ADGRD1: variants seen among roughly 807,000 people sequenced by gnomAD.
ADGRD1 encodes adhesion G protein-coupled receptor D1.
ADGRD1 carries 77 observed loss-of-function variants against 113.4 expected under a neutral mutation model. The ratio of observed to expected loss-of-function variants is 0.68; its 90% confidence interval spans 0.57 to 0.82. The LOEUF is 0.82. Among genes scored for constraint, ADGRD1 ranks in the 40% least tolerant of loss-of-function variants. The pLI is 0.00. For missense variants in ADGRD1, 1,036 were observed against 1,139.1 expected (o/e 0.91, Z 1.30); for synonymous variants, 474 against 475.0 (o/e 1.00, Z 0.03).
In ADGRD1 at chr12:131,057,381, C is replaced by T. The variant is rs1000062474; in HGVS notation, c.1474-19420C>T. ...CCAGATGGCAGCGGAGCCGAGTCTGCGCTGCTGTGGCCGTTTCCTAGGGCC... is the reference window on the plus strand; with the variant it reads ...CCAGATGGCAGCGGAGCCGAGTCTGTGCTGCTGTGGCCGTTTCCTAGGGCC... On this transcript the variant is annotated intron_variant, in intron 13 of 24. Coordinates refer to ENST00000261654, the MANE Select transcript of ADGRD1 (RefSeq NM_198827.5). This position sits in a 1 kb window ranked among gnomAD's most constrained non-coding sequence, Gnocchi z 4.2. Among the ~76,000 whole-genome samples, 1 of 152,168 alleles carries T rather than the reference C, an allele frequency of 6.6e-6. No individual in the cohort carries two copies. The highest frequency in any genetic ancestry group is 2.4e-5 in the African/African-American group (1 of 41,444).
At chr12:131,101,668 C>CTG (rs1950091938) in intron 15 of ADGRD1, among the ~76,000 whole-genome samples, 1 of 152,088 alleles carries the variant, frequency 6.6e-6, no homozygotes, top group Non-Finnish European at 1.5e-5. Flanking sequence ...CAGGCGTGAG[C>CTG]CACTGTGTCT....
chr12:131,129,012 G>A (rs1950825596), intron 20 of ADGRD1, among the ~76,000 whole-genome samples: 1 of 95,692 alleles, frequency 1.0e-5, no homozygotes, highest in South Asian at 3.1e-4. Context: ...GCTGTCTGGT[G>A]TGAGTGACAG....
intron 13 of ADGRD1, 94 bp downstream of exon 13, chr12:131,014,434 C>T (rs1878320511): frequency 8.3e-7 from 1 of 1,203,354 alleles, no homozygotes; most frequent in African/African-American, 1.5e-5. Flanking sequence ...AAAGAATCTC[C>T]AACAGCCTTG....
At chr12:130,968,509 G>A (rs11832179) in intron 3 of ADGRD1, 2,230 of 159,010 alleles carry the variant, frequency 0.014, 36 homozygotes, top group African/African-American at 0.051. Context: ...GAGGATGTGC[G>A]GCTTTGTCGT....
At chr12:131,040,649 G>A (rs944585182) in intron 13 of ADGRD1, among the ~76,000 whole-genome samples, 31 of 152,216 alleles carry the variant, frequency 2.0e-4, no homozygotes, top group Admixed American at 1.3e-4. Flanking sequence ...TAGGTGAACT[G>A]TGATTTTGGG....
intron 19 of ADGRD1, among the ~76,000 whole-genome samples, chr12:131,119,332 T>C (rs1257675959): frequency 2.0e-5 from 3 of 152,214 alleles, no homozygotes; most frequent in Non-Finnish European, 4.4e-5. Flanking sequence ...GAAGGCAGTG[T>C]CTGAGCGCAC....
At chr12:131,087,970 C>G (rs1158442160) in intron 15 of ADGRD1, among the ~76,000 whole-genome samples, 1 of 152,220 alleles carries the variant, frequency 6.6e-6, no homozygotes. Context: ...CCTCTGCGGA[C>G]GGCCGTGACG....
At chr12:131,058,760 T>C (rs986411369) in intron 13 of ADGRD1, among the ~76,000 whole-genome samples, 1 of 152,264 alleles carries the variant, frequency 6.6e-6, no homozygotes, top group Non-Finnish European at 1.5e-5. Context: ...GTAGGTGAGA[T>C]GTCCTTTCTC....
At chr12:131,119,927 CAG>C (rs1347416278) in intron 19 of ADGRD1, among the ~76,000 whole-genome samples, 1 of 152,148 alleles carries the variant, frequency 6.6e-6, no homozygotes, top group African/African-American at 2.4e-5. Context: ...GGCAGGGAGG[CAG>C]TGTGCTGACA....
rs748384356 is a variant in ADGRD1 at position 131,004,193 on chromosome 12, C to T, written c.1152C>T (p.Ser384=). 28 of 1,612,360 alleles carry T rather than the reference C, an allele frequency of 1.7e-5. No homozygotes were observed. The highest frequency in any genetic ancestry group is 3.3e-5 in the South Asian group (3 of 91,016). ...TCGCTCCTTCCACCGCAGAGTTTTC[C>T]GTGGCCAAAATCCTGCCCAAGACCG... ...VEGSSAMAEF[S]VAKILPKTVN... Residue 384 remains serine, a synonymous_variant, in exon 11 of 25, where the codon TCC becomes TCT. Coordinates refer to ENST00000261654, the MANE Select transcript of ADGRD1 (RefSeq NM_198827.5).
Position 131,050,218 on chromosome 12 carries a change from G to A in ADGRD1, c.1474-26583G>A, listed in dbSNP as rs1020192133. ...TCAAGTTGAAATCACCATCGTCATCGTCATCATCATCATCATCATCAATGA... is the reference window on the plus strand; with the variant it reads ...TCAAGTTGAAATCACCATCGTCATCATCATCATCATCATCATCATCAATGA... On this transcript the variant is annotated intron_variant, in intron 13 of 24. Coordinates refer to ENST00000261654, the MANE Select transcript of ADGRD1 (RefSeq NM_198827.5). The surrounding 1 kb of genome is among the most constrained non-coding windows in gnomAD (Gnocchi z 4.8). Among the ~76,000 whole-genome samples the A allele has an allele frequency of 1.7e-4, 25 of 150,914 alleles. No homozygotes were observed. The highest frequency in any genetic ancestry group is 4.1e-4 in the African/African-American group (17 of 41,208).
chr12:131,005,077 C>T (rs1876910330), intron 11 of ADGRD1, among the ~76,000 whole-genome samples: 2 of 152,234 alleles, frequency 1.3e-5, no homozygotes, highest in Admixed American at 1.3e-4. Context: ...CAGCCCTCAT[C>T]AGACATCTCT....
At chr12:131,043,707 G>T (rs531146261) in intron 13 of ADGRD1, among the ~76,000 whole-genome samples, 2 of 152,258 alleles carry the variant, frequency 1.3e-5, no homozygotes, top group African/African-American at 4.8e-5. Context: ...GGGGATGCAC[G>T]TGGGGCAGAG....
chr12:131,028,347 TGA>T (rs1459995853), intron 13 of ADGRD1, among the ~76,000 whole-genome samples: 1 of 152,246 alleles, frequency 6.6e-6, no homozygotes, highest in African/African-American at 2.4e-5. Context: ...ATTTTGAGTA[TGA>T]GTCATTTGTT....
At chr12:130,962,460 A>G (rs1870473389) in intron 2 of ADGRD1, 1 of 152,256 alleles carries the variant, frequency 6.6e-6, no homozygotes, top group African/African-American at 2.4e-5. Flanking sequence ...TGTTCTTTGT[A>G]TAACAGATGT....
Position 130,954,061 on chromosome 12 carries a change from C to T in ADGRD1, c.-405C>T, listed in dbSNP as rs1432341027. ...ACCTTCTTCAGAGAAAAGGGAAGCT[C>T]CAAACCTGACTGAGACAAACGGAGG... On this transcript the variant is annotated 5_prime_UTR_variant, in exon 1 of 25. Coordinates refer to ENST00000261654, the MANE Select transcript of ADGRD1 (RefSeq NM_198827.5). The surrounding 1 kb of genome is among the most constrained non-coding windows in gnomAD (Gnocchi z 4.7). The T allele has an allele frequency of 6.0e-6, 1 of 166,720 alleles. No homozygotes were observed. The highest frequency in any genetic ancestry group is 1.3e-5 in the Non-Finnish European group (1 of 78,320). The allele number at this position is 166,720 out of a possible 1,614,324, so 10.3% of individuals were successfully genotyped here.
intron 13 of ADGRD1, chr12:131,070,809 T>A (rs368526824): frequency 2.7e-5 from 14 of 518,908 alleles, no homozygotes; most frequent in African/African-American, 2.7e-4. Context: ...GACTTCAGGC[T>A]GTGTCCTTAT....
intron 13 of ADGRD1, among the ~76,000 whole-genome samples, chr12:131,030,020 G>C (rs535129330): frequency 6.7e-6 from 1 of 150,278 alleles, no homozygotes; most frequent in Admixed American, 6.6e-5. Context: ...TCTGGGGTTA[G>C]GATGTGGACC....
chr12:131,116,496 C>T (rs1033816918), intron 18 of ADGRD1, among the ~76,000 whole-genome samples: 19 of 152,240 alleles, frequency 1.2e-4, no homozygotes, highest in Non-Finnish European at 2.2e-4. Flanking sequence ...GCAGGCACGG[C>T]GTGTACTCTG....
Sources: gnomAD v4.1 joint callset for allele counts (sites outside exome capture counted in the v4.1 genomes callset) on GRCh38, gnomAD v4.1.1 for gene constraint, Gnocchi (gnomAD v3.1) non-coding constraint, MANE v1.5 for transcripts, NCBI Gene and HGNC (gene_info 2026-07-23, HGNC 2026-07-21) for gene names.